Variants in ENG observed in about 807,000 individuals in gnomAD.
ENG encodes endoglin.
A neutral mutation model predicts 71.0 loss-of-function variants in ENG; 17 were observed. The ratio of observed to expected loss-of-function variants is 0.24; its 90% CI spans 0.16 to 0.36. The LOEUF is 0.36. Ranked by LOEUF, ENG falls within the 10% of genes least tolerant of loss-of-function variation. The pLI, the probability that ENG is intolerant of heterozygous loss-of-function variation, is 1.00. For missense variants in ENG, 749 were observed against 868.3 expected, an observed-to-expected ratio of 0.86 and a Z score of 1.73; for synonymous variants, 360 against 366.9, an observed-to-expected ratio of 0.98 and a Z score of 0.21.
intron 3 of ENG, among the ~76,000 whole-genome samples, chr9:127,828,507 C>A (rs1313738613): frequency 6.6e-6 from 1 of 152,182 alleles, no homozygotes; most frequent in African/African-American, 2.4e-5. Flanking sequence ...GCGGCTACTG[C>A]GACCTTCCGG....
In ENG at chr9:127,824,900, T is replaced by C. The variant is rs770899669; in HGVS notation, c.891A>G (p.Gln297=). The change falls in exon 7 of 15, where the codon CAA becomes CAG. Residue 297 remains glutamine (Q), a synonymous_variant. Coordinates refer to ENST00000373203, the MANE Select transcript of ENG (RefSeq NM_001114753.3). The stretch of plus-strand genomic sequence containing the variant: ...GCATCCGGGCCTCCCCCAGGAGGCC[T>C]TGAGGTGTGTCTGGGAGCTTGAAGC... ...IRGFKLPDTP[Q]GLLGEARMLN... The C allele has an allele frequency of 3.7e-6, 6 of 1,613,812 alleles. No individual in the cohort carries two copies. In the African/African-American group the frequency reaches 5.3e-5, roughly 14 times the overall value.
chr9:127,852,444 C>T (rs1245427915), intron 1 of ENG, among the ~76,000 whole-genome samples: 1 of 152,184 alleles, frequency 6.6e-6, no homozygotes, highest in Non-Finnish European at 1.5e-5. Context: ...CTTCCCAGAC[C>T]ATAAATGAGT....
In ENG at chr9:127,836,185, G is replaced by T. The variant is rs1024754193; in HGVS notation, c.220-6358C>A. Among the ~76,000 whole-genome samples, 1 of 152,282 alleles carries T rather than the reference G, an allele frequency of 6.6e-6. No individual in the cohort carries two copies. Among genetic ancestry groups the T allele is most frequent in the African/African-American group, 2.4e-5 (1 of 41,560 alleles). The stretch of plus-strand genomic sequence containing the variant: ...GGCCCCAGAGGCAAAAAACGATGGC[G>T]CCAGCCTTGCCCCCAACCCCAAGCT... On this transcript the variant is annotated intron_variant, in intron 2 of 14. Coordinates refer to ENST00000373203, the MANE Select transcript of ENG (RefSeq NM_001114753.3). This position sits in a 1 kb window ranked among gnomAD's most constrained non-coding sequence, Gnocchi z 4.0.
intron 1 of ENG, among the ~76,000 whole-genome samples, chr9:127,847,458 C>T (rs769178054): frequency 2.0e-5 from 3 of 151,786 alleles, no homozygotes; most frequent in Non-Finnish European, 4.4e-5. Context: ...CCCGCTGCCA[C>T]CCCCCCTTTT....
intron 1 of ENG, among the ~76,000 whole-genome samples, chr9:127,852,289 C>A (rs1481221054): frequency 6.6e-6 from 1 of 152,178 alleles, no homozygotes; most frequent in Non-Finnish European, 1.5e-5. Context: ...AAGTCACATG[C>A]AAGGTACAGT....
intron 7 of ENG, 40 bp from the exon 8 acceptor site, chr9:127,824,486 T>C (rs923845952): frequency 2.5e-6 from 4 of 1,591,518 alleles, no homozygotes; most frequent in Non-Finnish European, 3.4e-6. Flanking sequence ...CTGGTCACTG[T>C]GTGATCACTG....
Position 127,829,738 on chromosome 9 carries a change from G to A in ENG, c.309C>T (p.Ser103=). 2 of 1,614,154 alleles carry A rather than the reference G, an allele frequency of 1.2e-6. No homozygotes were observed. The highest frequency in any genetic ancestry group is 1.1e-5 in the South Asian group (1 of 91,068). The change falls in exon 3 of 15, where the codon AGC becomes AGT. Residue 103 remains serine (S), a synonymous_variant. Coordinates refer to ENST00000373203, the MANE Select transcript of ENG (RefSeq NM_001114753.3). ...REVLLVLSVN[S]SVFLHLQALG... is the part of the protein sequence containing the mutation. ...GGGCCTGGAGATGCAGGAAGACACT[G>A]CTGTTTACACTGAGGACCAGAAGCA...
At chr9:127,840,691 G>A (rs542574127) in intron 2 of ENG, among the ~76,000 whole-genome samples, 1 of 152,144 alleles carries the variant, frequency 6.6e-6, no homozygotes, top group Non-Finnish European at 1.5e-5. Context: ...GCTGGCCAGG[G>A]ACAGATCCAG....
Position 127,846,832 on chromosome 9 carries a change from G to A in ENG, c.68-3587C>T. ...GAGCCGCTGGGGGCCTGGGTGACTGGAACCCCAAGTGAGAGACCCAGAAGC... is the reference window on the plus strand; with the variant it reads ...GAGCCGCTGGGGGCCTGGGTGACTGAAACCCCAAGTGAGAGACCCAGAAGC... On this transcript the variant is annotated intron_variant, in intron 1 of 14. Coordinates refer to ENST00000373203, the MANE Select transcript of ENG (RefSeq NM_001114753.3). This position sits in a 1 kb window ranked among gnomAD's most constrained non-coding sequence, Gnocchi z 5.5. 1.0e-6 allele frequency: 1 copy of A among 982,388 alleles called. No individual in the cohort carries two copies. The highest frequency in any genetic ancestry group is 1.2e-6 in the Non-Finnish European group (1 of 827,234). 60.9% of individuals were successfully genotyped at this position (982,388 alleles called of 1,614,324 possible). A position where few individuals can be genotyped will look rare whatever the true frequency, so the allele number is the denominator to read the frequency against.
chr9:127,839,007 G>A (rs1454069158), intron 2 of ENG, among the ~76,000 whole-genome samples: 1 of 152,136 alleles, frequency 6.6e-6, no homozygotes, highest in Non-Finnish European at 1.5e-5. Context: ...CCGGCTGGCT[G>A]CTAAAAGCCA....
Position 127,825,672 on chromosome 9 carries a change from CAG to C in ENG, c.689+21_689+22del, listed in dbSNP as rs751600862. 2.9e-5 allele frequency: 44 copies of C among 1,517,418 alleles called. No homozygotes were observed. The highest frequency in any genetic ancestry group is 4.7e-4 in the Middle Eastern group (2 of 4,232). The allele number at this position is 1,517,418 out of a possible 1,614,324, so 94.0% of individuals were successfully genotyped here. Reference sequence around the variant, plus strand: ...GGTCTCTCGGGGTGGGGACTAGTGTCAGGGGCGGGGCGAGAGCCATACCCGGC... The same window carrying C: ...GGTCTCTCGGGGTGGGGACTAGTGTCGGGCGGGGCGAGAGCCATACCCGGC... On this transcript the variant is annotated intron_variant, in intron 5 of 14. Coordinates refer to ENST00000373203, the MANE Select transcript of ENG (RefSeq NM_001114753.3).
intron 1 of ENG, among the ~76,000 whole-genome samples, chr9:127,853,746 C>T (rs948612428): frequency 5.9e-5 from 9 of 152,354 alleles, no homozygotes; most frequent in African/African-American, 2.2e-4. Flanking sequence ...CTGCCAGAGC[C>T]CTCTCTGCAA....
intron 8 of ENG, among the ~76,000 whole-genome samples, 171 bp from the exon 9 acceptor site, chr9:127,820,208 C>CT (rs1032924576): frequency 2.6e-5 from 4 of 151,904 alleles, no homozygotes; most frequent in Non-Finnish European, 4.4e-5. Context: ...CTTAAAAGTT[C>CT]TTTTTTTTGA....
chr9:127,843,128 A>T lies in ENG; in HGVS notation c.185T>A (p.Leu62His), dbSNP rs1060501424. 7.4e-6 allele frequency: 12 copies of T among 1,614,208 alleles called. No individual in the cohort carries two copies. The highest frequency in any genetic ancestry group is 1.0e-5 in the Non-Finnish European group (12 of 1,180,024). The part of the protein sequence containing the change: ...GCVAQAPNAI[L>H]EVHVLFLEFP... Reference sequence around the variant, plus strand: ...CTCCAGGAAGAGGACATGGACTTCAAGGATGGCATTGGGGGCCTGAGCCAC... The same window carrying T: ...CTCCAGGAAGAGGACATGGACTTCATGGATGGCATTGGGGGCCTGAGCCAC... Residue 62 changes from leucine to histidine, a missense_variant, in exon 2 of 15, where the codon CTT (leucine) becomes CAT (histidine). Coordinates refer to ENST00000373203, the MANE Select transcript of ENG (RefSeq NM_001114753.3).
chr9:127,818,965 T>C, intron 10 of ENG, 133 bp from the exon 11 acceptor site: 1 of 754,778 alleles, frequency 1.3e-6, no homozygotes, highest in South Asian at 1.4e-5. Flanking sequence ...TGAGACGGAG[T>C]CTCGCTCTGT....
chr9:127,824,242 G>A, intron 8 of ENG, 62 bp downstream of exon 8: 12 of 1,612,614 alleles, frequency 7.4e-6, no homozygotes, highest in Non-Finnish European at 1.0e-5. Context: ...CAAGAGTCTT[G>A]GGCTAGGGGA....
chr9:127,815,848 G>C (rs1177764751), intron 14 of ENG, 42 bp from the exon 15 acceptor site: 1 of 1,550,566 alleles, frequency 6.4e-7, no homozygotes, highest in Non-Finnish European at 8.7e-7. Context: ...TCAGGGTCCT[G>C]GCCAGGGCCC....
At chr9:127,851,339 C>G (rs1410099658) in intron 1 of ENG, among the ~76,000 whole-genome samples, 1 of 151,982 alleles carries the variant, frequency 6.6e-6, no homozygotes, top group Non-Finnish European at 1.5e-5. Flanking sequence ...CCTGCCTCAG[C>G]CTCCCAAGTA....
In ENG at chr9:127,816,254, C is replaced by T. The variant is rs1564451509; in HGVS notation, c.1742-201G>A. 4.3e-6 allele frequency: 3 copies of T among 691,098 alleles called. No individual in the cohort carries two copies. In the East Asian group the frequency reaches 8.2e-5, roughly 19 times the overall value. The allele number at this position is 691,098 out of a possible 1,614,324, so 42.8% of individuals were successfully genotyped here. ...GAGCCATGGTTGCTAGGACTGTCCACCTAGAGGGCCCAGCCAGGCCTTTTG... is the reference window on the plus strand; with the variant it reads ...GAGCCATGGTTGCTAGGACTGTCCATCTAGAGGGCCCAGCCAGGCCTTTTG... On this transcript the variant is annotated intron_variant, in intron 13 of 14. Transcript: ENST00000373203.
Sources: allele counts gnomAD v4.1 joint callset (sites outside exome capture counted in the v4.1 genomes callset), GRCh38; gene constraint gnomAD v4.1.1; non-coding constraint Gnocchi (gnomAD v3.1); transcripts MANE v1.5; gene names NCBI Gene and HGNC (gene_info 2026-07-23, HGNC 2026-07-21).